The following MBNL2 variants were observed in gnomAD, a reference collection of about 807,000 sequenced individuals.
The protein encoded by MBNL2 is muscleblind-like protein 2.
MBNL2 carries 17 observed loss-of-function variants against 41.9 expected under a neutral mutation model. The ratio of observed to expected loss-of-function variants is 0.41; its 90% confidence interval spans 0.28 to 0.61. The LOEUF is 0.61. MBNL2 is among the 20% of genes least tolerant of loss of function. MBNL2 has a pLI of 0.35. For missense variants in MBNL2, 336 were observed against 505.6 expected (o/e 0.66, Z 3.22); for synonymous variants, 195 against 182.9 (o/e 1.07, Z -0.53).
chr13:97,310,020 T>G (rs2058448476), intron 2 of MBNL2, among the ~76,000 whole-genome samples: 1 of 152,228 alleles, frequency 6.6e-6, no homozygotes, highest in Non-Finnish European at 1.5e-5. Flanking sequence ...TGAAGAGATT[T>G]AACCAAAGTG....
At chr13:97,260,099 G>A (rs763585032) in intron 1 of MBNL2, among the ~76,000 whole-genome samples, 33 of 152,152 alleles carry the variant, frequency 2.2e-4, no homozygotes, top group African/African-American at 7.7e-4. Context: ...AATAAAGCAC[G>A]GTGAGTCAGA....
At chr13:97,311,145 G>T (rs2058575144) in intron 2 of MBNL2, among the ~76,000 whole-genome samples, 1 of 152,174 alleles carries the variant, frequency 6.6e-6, no homozygotes. Flanking sequence ...GTGTGAAAAT[G>T]CTTTTCACAA....
intron 1 of MBNL2, among the ~76,000 whole-genome samples, chr13:97,251,553 G>A (rs1000188974): frequency 8.5e-5 from 13 of 152,098 alleles, no homozygotes; most frequent in African/African-American, 2.7e-4. Flanking sequence ...TAGTAAACAC[G>A]CACTGAAGTG....
chr13:97,386,560 T>C (rs2065939000), intron 8 of MBNL2, among the ~76,000 whole-genome samples: 1 of 152,186 alleles, frequency 6.6e-6, no homozygotes, highest in Admixed American at 6.5e-5. Context: ...CTGGTCCACT[T>C]TTTAGTAAGG....
At chr13:97,279,349 C>A (rs2052871002) in intron 2 of MBNL2, among the ~76,000 whole-genome samples, 1 of 152,194 alleles carries the variant, frequency 6.6e-6, no homozygotes, top group African/African-American at 2.4e-5. Flanking sequence ...CGATATAATT[C>A]CTACTTCATA....
the MBNL2 span, among the ~76,000 whole-genome samples, chr13:97,208,727 T>A: frequency 6.6e-6 from 1 of 152,336 alleles, no homozygotes; most frequent in African/African-American, 2.4e-5. Flanking sequence ...CAACCTCTAA[T>A]AACATTCACC....
chr13:97,164,853 G>C, the MBNL2 span, among the ~76,000 whole-genome samples: 1 of 152,106 alleles, frequency 6.6e-6, no homozygotes, highest in Non-Finnish European at 1.5e-5. Flanking sequence ...ATGAAGATTT[G>C]GTGTGGCCTT....
At chr13:97,278,855 G>A (rs536810317) in intron 2 of MBNL2, among the ~76,000 whole-genome samples, 1 of 152,106 alleles carries the variant, frequency 6.6e-6, no homozygotes, top group African/African-American at 2.4e-5. Context: ...ATGTGAAAAC[G>A]GCCCACAGGC....
intron 1 of MBNL2, among the ~76,000 whole-genome samples, chr13:97,229,189 A>C (rs1026606218): frequency 6.7e-6 from 1 of 150,370 alleles, no homozygotes. Flanking sequence ...GATGCAATAT[A>C]TATTGTCTAA....
At chr13:97,155,084 G>T in the MBNL2 span, among the ~76,000 whole-genome samples, 5 of 152,108 alleles carry the variant, frequency 3.3e-5, no homozygotes, top group Non-Finnish European at 7.4e-5. Flanking sequence ...GGGAGACCAC[G>T]CTTTTTAAAA....
chr13:97,240,228 T>A (rs1354927411), intron 1 of MBNL2, among the ~76,000 whole-genome samples: 8 of 152,212 alleles, frequency 5.3e-5, no homozygotes, highest in Non-Finnish European at 1.2e-4. Context: ...ACAGACCTCC[T>A]GGCACAGGGG....
the MBNL2 span, chr13:97,179,248 A>G: frequency 1.3e-5 from 2 of 152,132 alleles, no homozygotes; most frequent in African/African-American, 4.8e-5. Flanking sequence ...TGCCATTATT[A>G]CTGACTTTTT....
the MBNL2 span, among the ~76,000 whole-genome samples, chr13:97,195,451 C>A: frequency 6.6e-6 from 1 of 152,052 alleles, no homozygotes; most frequent in South Asian, 2.1e-4. Context: ...GAATCTAGTA[C>A]CTTACATAGC....
At chr13:97,391,008 G>T (rs904643149) in intron 8 of MBNL2, among the ~76,000 whole-genome samples, 1 of 152,120 alleles carries the variant, frequency 6.6e-6, no homozygotes, top group African/African-American at 2.4e-5. Flanking sequence ...ATAATAAAGA[G>T]CTATAAAGCA....
chr13:97,390,031 A>C (rs1377871353), intron 8 of MBNL2, among the ~76,000 whole-genome samples: 1 of 152,186 alleles, frequency 6.6e-6, no homozygotes, highest in Non-Finnish European at 1.5e-5. Flanking sequence ...CTGTTAGTAC[A>C]CAAGACAAGG....
At chr13:97,203,964 G>A in the MBNL2 span, among the ~76,000 whole-genome samples, 1 of 152,140 alleles carries the variant, frequency 6.6e-6, no homozygotes, top group Non-Finnish European at 1.5e-5. Context: ...ACAGATGGAT[G>A]GTTGGATGGA....
chr13:97,148,005 C>T, the MBNL2 span, among the ~76,000 whole-genome samples: 1 of 152,154 alleles, frequency 6.6e-6, no homozygotes, highest in African/African-American at 2.4e-5. Context: ...ATGCTCTGTT[C>T]ACCCTGAGCT....
At chr13:97,147,474 A>AT in the MBNL2 span, among the ~76,000 whole-genome samples, 64 of 150,030 alleles carry the variant, frequency 4.3e-4, no homozygotes, top group African/African-American at 8.8e-4. Context: ...ATCTGGAATG[A>AT]TTTTTTTTTT....
upstream of MBNL2, among the ~76,000 whole-genome samples, chr13:97,220,093 G>A (rs1006105166): frequency 6.6e-6 from 1 of 152,188 alleles, no homozygotes; most frequent in African/African-American, 2.4e-5. Context: ...CTTGAGATAG[G>A]AATCATGAAG....
Sources: gnomAD v4.1 joint callset for allele counts (sites outside exome capture counted in the v4.1 genomes callset) on GRCh38, gnomAD v4.1.1 for gene constraint, MANE v1.5 for transcripts, NCBI Gene and HGNC (gene_info 2026-07-23, HGNC 2026-07-21) for gene names.